Variants in KITLG observed in about 807,000 individuals in gnomAD.
KITLG encodes the protein KIT ligand, also known as c-Kit ligand.
A neutral mutation model predicts 34.1 loss-of-function variants in KITLG; 13 were observed. The observed-to-expected ratio is 0.38, with a 90% confidence interval of 0.25 to 0.61. KITLG has a LOEUF of 0.61. Among genes scored for constraint, KITLG ranks in the 20% least tolerant of loss-of-function variants. The pLI is 0.60. For missense variants in KITLG, 292 were observed against 318.9 expected (o/e 0.92, Z 0.64); for synonymous variants, 110 against 104.0 (o/e 1.06, Z -0.35).
At chr12:88,529,113 T>C (rs186646584) in intron 3 of KITLG, among the ~76,000 whole-genome samples, 142 of 152,286 alleles carry the variant, frequency 9.3e-4, no homozygotes, top group South Asian at 2.1e-3. Flanking sequence ...GTGTACCCCA[T>C]AAATATACAC....
At chr12:88,571,376 T>A (rs1045458708) in intron 1 of KITLG, among the ~76,000 whole-genome samples, 1 of 152,090 alleles carries the variant, frequency 6.6e-6, no homozygotes, top group Non-Finnish European at 1.5e-5. Context: ...CTTACTGGGG[T>A]TGGTAAGTGG....
chr12:88,511,889 C>A (rs962980063), intron 6 of KITLG, among the ~76,000 whole-genome samples: 1 of 152,112 alleles, frequency 6.6e-6, no homozygotes, highest in African/African-American at 2.4e-5. Flanking sequence ...AAAAGATAAA[C>A]CTCATCTGCT....
intron 6 of KITLG, among the ~76,000 whole-genome samples, chr12:88,508,249 G>A (rs766165762): frequency 6.6e-6 from 1 of 151,154 alleles, no homozygotes; most frequent in East Asian, 1.9e-4. Context: ...CTCCCACAAG[G>A]GTCTCTTCCA....
intron 8 of KITLG, among the ~76,000 whole-genome samples, chr12:88,505,694 T>C (rs982818680): frequency 1.3e-5 from 2 of 152,052 alleles, no homozygotes; most frequent in African/African-American, 4.8e-5. Flanking sequence ...AACGAGTATG[T>C]TGAGAATAGT....
rs116989142 is a variant in KITLG, at chr12:88,562,979, C to T, written c.16-17114G>A. Among the ~76,000 whole-genome samples, 34 of 152,308 alleles carry T rather than the reference C, an allele frequency of 2.2e-4. 1 individual carries two copies. In the East Asian group the frequency reaches 5.4e-3, roughly 24 times the overall value. ...AAAAGCGAAAACACTGAAAGTATCA[C>T]ACAGAGCTGAAATGTAGACACTGTC... is the stretch of plus-strand genomic sequence containing the variant. On this transcript the variant is annotated intron_variant, in intron 1 of 9. Coordinates refer to ENST00000644744, the MANE Select transcript of KITLG (RefSeq NM_000899.5).
At chr12:88,530,478 A>T (rs899463555) in intron 3 of KITLG, among the ~76,000 whole-genome samples, 1 of 152,188 alleles carries the variant, frequency 6.6e-6, no homozygotes, top group African/African-American at 2.4e-5. Flanking sequence ...AAAGTGTTAT[A>T]AAAAGGCCAC....
At chr12:88,561,085 C>T (rs1224983944) in intron 1 of KITLG, among the ~76,000 whole-genome samples, 1 of 151,818 alleles carries the variant, frequency 6.6e-6, no homozygotes, top group African/African-American at 2.4e-5. Context: ...AATCAGACTG[C>T]CCATATCTTA....
intron 1 of KITLG, among the ~76,000 whole-genome samples, chr12:88,546,280 T>A (rs1405236622): frequency 6.6e-6 from 1 of 152,206 alleles, no homozygotes; most frequent in Non-Finnish European, 1.5e-5. Flanking sequence ...AGCAGCATAA[T>A]CCCTGAGCAG....
At chr12:88,501,341 C>T (rs575018670) in intron 9 of KITLG, among the ~76,000 whole-genome samples, 2 of 152,074 alleles carry the variant, frequency 1.3e-5, no homozygotes, top group Non-Finnish European at 2.9e-5. Flanking sequence ...GTATTTTTCC[C>T]CTTCCTTGTT....
chr12:88,554,293 T>C (rs909186281), intron 1 of KITLG, among the ~76,000 whole-genome samples: 2 of 152,152 alleles, frequency 1.3e-5, no homozygotes, highest in Non-Finnish European at 2.9e-5. Flanking sequence ...AAAAAGCCTT[T>C]TTTTCTCTAT....
At chr12:88,566,836 A>C (rs867042690) in intron 1 of KITLG, among the ~76,000 whole-genome samples, 12 of 152,126 alleles carry the variant, frequency 7.9e-5, no homozygotes, top group Admixed American at 1.3e-4. Context: ...ATTAGAAAGA[A>C]CCTTTAAAAT....
intron 4 of KITLG, among the ~76,000 whole-genome samples, chr12:88,517,513 T>C (rs1277015529): frequency 2.6e-5 from 4 of 152,072 alleles, no homozygotes; most frequent in African/African-American, 9.7e-5. Flanking sequence ...TTCTTTGTTG[T>C]TTGCAGTGTT....
chr12:88,551,092 A>T (rs958832340), intron 1 of KITLG, among the ~76,000 whole-genome samples: 4 of 152,214 alleles, frequency 2.6e-5, no homozygotes, highest in Non-Finnish European at 4.4e-5. Flanking sequence ...ATCTCTGAAA[A>T]ACCTATATTT....
At chr12:88,549,532 C>A (rs952514036) in intron 1 of KITLG, among the ~76,000 whole-genome samples, 1 of 152,064 alleles carries the variant, frequency 6.6e-6, no homozygotes, top group Non-Finnish European at 1.5e-5. Flanking sequence ...TCAAAGATGA[C>A]TATAAGAACT....
intron 6 of KITLG, among the ~76,000 whole-genome samples, chr12:88,514,397 G>A (rs1404842735): frequency 2.0e-5 from 3 of 151,658 alleles, no homozygotes; most frequent in East Asian, 3.9e-4. Flanking sequence ...AAAATCCATA[G>A]TTGGTAAGAA....
At chr12:88,500,966 G>A (rs531325463) in intron 9 of KITLG, among the ~76,000 whole-genome samples, 218 of 152,152 alleles carry the variant, frequency 1.4e-3, no homozygotes, top group African/African-American at 5.2e-3. Context: ...TATTTGTAGA[G>A]ATGGGGTCTT....
At position 88,545,815 on chromosome 12, in the gene KITLG, G is replaced by C; in HGVS notation, c.66C>G (p.Leu22=). Residue 22 remains leucine, a synonymous_variant, in exon 2 of 10, where the codon CTC becomes CTG. Transcript: ENST00000644744. ...IYLQLLLFNP[L]VKTEGICRNR... ...TCCTGCAGATCCCTTCAGTTTTGACGAGAGGATTAAATAGGAGCAGCTGAA... is the reference window on the plus strand; with the variant it reads ...TCCTGCAGATCCCTTCAGTTTTGACCAGAGGATTAAATAGGAGCAGCTGAA... The C allele has an allele frequency of 1.9e-6, 3 of 1,612,840 alleles. No individual in the cohort carries two copies. Among genetic ancestry groups the C allele is most frequent in the Non-Finnish European group, 2.5e-6 (3 of 1,178,966 alleles).
At position 88,497,158 on chromosome 12, in the gene KITLG, A is replaced by G. The variant is rs1354507716; in HGVS notation, c.*61T>C. 5 of 449,656 alleles carry G rather than the reference A, an allele frequency of 1.1e-5. No homozygotes were observed. Among genetic ancestry groups the G allele is most frequent in the Non-Finnish European group, 2.2e-5 (5 of 223,780 alleles). The allele number at this position is 449,656 out of a possible 1,614,324, so 27.9% of individuals were successfully genotyped here. A position where few individuals can be genotyped will look rare whatever the true frequency, so the allele number is the denominator to read the frequency against. On this transcript the variant is annotated 3_prime_UTR_variant, in exon 10 of 10. Transcript: ENST00000644744. ...TTTGTTTAAAGCTGCTTCATTTATG[A>G]AGCAAACATGAACTGTTACCAGCCT...
At chr12:88,559,988 G>A (rs926593260) in intron 1 of KITLG, among the ~76,000 whole-genome samples, 2 of 152,236 alleles carry the variant, frequency 1.3e-5, no homozygotes, top group African/African-American at 4.8e-5. Flanking sequence ...TTATGAAGAT[G>A]ATGACATTTA....
Sources: allele counts gnomAD v4.1 joint callset (sites outside exome capture counted in the v4.1 genomes callset), GRCh38; gene constraint gnomAD v4.1.1; transcripts MANE v1.5; gene names NCBI Gene and HGNC (gene_info 2026-07-23, HGNC 2026-07-21).